PKDCC: variants seen among roughly 807,000 people sequenced by gnomAD.
PKDCC encodes the protein extracellular tyrosine-protein kinase PKDCC.
In PKDCC, 35 loss-of-function variants were observed where a neutral mutation model predicts 44.7. The observed-to-expected ratio is 0.78, with a 90% CI of 0.60 to 1.04. PKDCC has a LOEUF of 1.04. Among genes scored for constraint, PKDCC ranks in the 50% least tolerant of loss-of-function variants. The pLI is 0.00. For missense variants in PKDCC, 738 were observed against 672.7 expected, an observed-to-expected ratio of 1.10 and a Z score of -1.07; for synonymous variants, 353 against 303.3, an observed-to-expected ratio of 1.16 and a Z score of -1.70.
chr2:42,048,325 G>T lies in PKDCC; in HGVS notation c.126G>T (p.Ser42=). 1 of 1,188,556 alleles carries T rather than the reference G, an allele frequency of 8.4e-7. No individual in the cohort carries two copies. Among genetic ancestry groups the T allele is most frequent in the Non-Finnish European group, 1.0e-6 (1 of 959,312 alleles). 73.6% of individuals were successfully genotyped at this position (1,188,556 alleles called of 1,614,324 possible). ...GGCCAGGCCAGTCCCCTGAGCCTTC[G>T]CCGGCCCCGGGTCCGGGCCGTCGCG... is the stretch of plus-strand genomic sequence containing the variant. ...PPRPGQSPEP[S]PAPGPGRRGG... is the part of the protein sequence containing the mutation. Residue 42 remains serine, a synonymous_variant, in exon 1 of 7, where the codon TCG becomes TCT. Coordinates refer to ENST00000294964, the MANE Select transcript of PKDCC (RefSeq NM_138370.3). The surrounding 1 kb of genome is among the most constrained non-coding windows in gnomAD (Gnocchi z 6.2).
rs1370232822 is a variant in PKDCC at position 42,048,152 on chromosome 2, C to G, written c.-48C>G. Reference sequence around the variant, plus strand: ...CCTCGGAGCCTGAGCCGCCCGGGGCCGGGGCCGGGGAGCCGCGCGGGGCCG... The same window carrying G: ...CCTCGGAGCCTGAGCCGCCCGGGGCGGGGGCCGGGGAGCCGCGCGGGGCCG... On this transcript the variant is annotated 5_prime_UTR_variant, in exon 1 of 7. Transcript: ENST00000294964. This position sits in a 1 kb window ranked among gnomAD's most constrained non-coding sequence, Gnocchi z 6.2. The G allele has an allele frequency of 3.4e-6, 3 of 889,004 alleles. No homozygotes were observed. The South Asian group carries it at 1.6e-4, about 48-fold the overall frequency. The allele number at this position is 889,004 out of a possible 1,614,324, so 55.1% of individuals were successfully genotyped here.
intron 5 of PKDCC, among the ~76,000 whole-genome samples, chr2:42,056,909 C>T (rs1419718428): frequency 2.0e-5 from 3 of 152,218 alleles, no homozygotes; most frequent in Non-Finnish European, 4.4e-5. Context: ...ACAGCTGGGA[C>T]TCCATGTGTC....
At position 42,052,241 on chromosome 2, in the gene PKDCC, C is replaced by T. The variant is rs1010061337; in HGVS notation, c.640-998C>T. Among the ~76,000 whole-genome samples, 1 of 152,182 alleles carries T rather than the reference C, an allele frequency of 6.6e-6. No homozygotes were observed. The highest frequency in any genetic ancestry group is 1.5e-5 in the Non-Finnish European group (1 of 68,030). On this transcript the variant is annotated intron_variant, in intron 1 of 6. Transcript: ENST00000294964. This position sits in a 1 kb window ranked among gnomAD's most constrained non-coding sequence, Gnocchi z 4.3. ...TGATACACATCACTCATATGCAAAACACACCTGGGGATGTGCCCTCAGGTA... is the reference window on the plus strand; with the variant it reads ...TGATACACATCACTCATATGCAAAATACACCTGGGGATGTGCCCTCAGGTA...
At chr2:42,049,854 T>G (rs1572759616) in intron 1 of PKDCC, among the ~76,000 whole-genome samples, 1 of 152,214 alleles carries the variant, frequency 6.6e-6, no homozygotes, top group East Asian at 1.9e-4. Context: ...TGACCGCTGT[T>G]GGCCCGGTGA....
rs564587182 is a variant in PKDCC at position 42,052,728 on chromosome 2, C to T, written c.640-511C>T. 4.0e-5 allele frequency among the ~76,000 whole-genome samples: 6 copies of T among 148,440 alleles called. No individual in the cohort carries two copies. Among genetic ancestry groups the T allele is most frequent in the East Asian group, 3.9e-4 (2 of 5,100 alleles). On this transcript the variant is annotated intron_variant, in intron 1 of 6. Transcript: ENST00000294964. The surrounding 1 kb of genome is among the most constrained non-coding windows in gnomAD (Gnocchi z 4.3). ...CTGCACTCCAGCCTGGGCAACAGAGCGAGGCTGTCTCAAAAAAAAAAAAAG... is the reference window on the plus strand; with the variant it reads ...CTGCACTCCAGCCTGGGCAACAGAGTGAGGCTGTCTCAAAAAAAAAAAAAG...
chr2:42,051,486 G>T lies in PKDCC; in HGVS notation c.640-1753G>T, dbSNP rs929084302. Reference sequence around the variant, plus strand: ...AAATGCTCAGCCTCACGCTTCCTGGGGGGGGTTAATGGTGTCTTTTTATTT... The same window carrying T: ...AAATGCTCAGCCTCACGCTTCCTGGTGGGGGTTAATGGTGTCTTTTTATTT... On this transcript the variant is annotated intron_variant, in intron 1 of 6. Transcript: ENST00000294964. This position sits in a 1 kb window ranked among gnomAD's most constrained non-coding sequence, Gnocchi z 4.2. 2.1e-4 allele frequency among the ~76,000 whole-genome samples: 32 copies of T among 152,218 alleles called. No individual in the cohort carries two copies. Among genetic ancestry groups the T allele is most frequent in the African/African-American group, 7.0e-4 (29 of 41,540 alleles).
In PKDCC at chr2:42,057,777, G is replaced by A; in HGVS notation, c.*89G>A. The A allele has an allele frequency of 8.8e-7, 1 of 1,132,610 alleles. No homozygotes were observed. Among genetic ancestry groups the A allele is most frequent in the Admixed American group, 2.0e-5 (1 of 50,230 alleles). The allele number at this position is 1,132,610 out of a possible 1,614,324, so 70.2% of individuals were successfully genotyped here. A position where few individuals can be genotyped will look rare whatever the true frequency, so the allele number is the denominator to read the frequency against. On this transcript the variant is annotated 3_prime_UTR_variant, in exon 7 of 7. Transcript: ENST00000294964. ...GTGACTTGCACTGGCAGCACTGCAT[G>A]TCACCTGGGAACCCCTGCAGACAAA...
In PKDCC at chr2:42,055,272, A is replaced by T; in HGVS notation, c.1115-14A>T. 1.9e-6 allele frequency: 3 copies of T among 1,608,964 alleles called. No individual in the cohort carries two copies. Among genetic ancestry groups the T allele is most frequent in the Non-Finnish European group, 2.5e-6 (3 of 1,177,962 alleles). ...GCCCCAGGCATCCTGTCTTAGCCAC[A>T]CTGCACTCTGCAGGAGAGCTCGCCT... is the stretch of plus-strand genomic sequence containing the variant. On this transcript the variant is annotated splice_polypyrimidine_tract_variant and intron_variant, in intron 4 of 6. Coordinates refer to ENST00000294964, the MANE Select transcript of PKDCC (RefSeq NM_138370.3). This position sits in a 1 kb window ranked among gnomAD's most constrained non-coding sequence, Gnocchi z 4.5.
rs1331873861 is a variant in PKDCC, at chr2:42,051,489, G to C, written c.640-1750G>C. On this transcript the variant is annotated intron_variant, in intron 1 of 6. Coordinates refer to ENST00000294964, the MANE Select transcript of PKDCC (RefSeq NM_138370.3). This position sits in a 1 kb window ranked among gnomAD's most constrained non-coding sequence, Gnocchi z 4.2. ...TGCTCAGCCTCACGCTTCCTGGGGG[G>C]GGTTAATGGTGTCTTTTTATTTTTT... Among the ~76,000 whole-genome samples, 2 of 152,084 alleles carry C rather than the reference G, an allele frequency of 1.3e-5. No homozygotes were observed. The highest frequency in any genetic ancestry group is 2.9e-5 in the Non-Finnish European group (2 of 68,004).
rs552045486 is a variant in PKDCC, at chr2:42,051,399, G to C, written c.640-1840G>C. On this transcript the variant is annotated intron_variant, in intron 1 of 6. Coordinates refer to ENST00000294964, the MANE Select transcript of PKDCC (RefSeq NM_138370.3). The surrounding 1 kb of genome is among the most constrained non-coding windows in gnomAD (Gnocchi z 4.2). ...TTGGATGGGCCCCCAGGCCTGCCTG[G>C]GCCCAGATTCTGGCCCTGCTAGAGT... Among the ~76,000 whole-genome samples, 26 of 150,850 alleles carry C rather than the reference G, an allele frequency of 1.7e-4. No individual in the cohort carries two copies. The highest frequency in any genetic ancestry group is 6.1e-4 in the African/African-American group (25 of 40,982).
chr2:42,053,756 A>G (rs1327470324), intron 2 of PKDCC, among the ~76,000 whole-genome samples: 2 of 152,108 alleles, frequency 1.3e-5, no homozygotes, highest in African/African-American at 2.4e-5. Flanking sequence ...TCAGGATGCA[A>G]CTTCAGGGAA....
In PKDCC at chr2:42,057,387, C is replaced by G. The variant is rs886171351; in HGVS notation, c.1389C>G (p.Thr463=). ...CCTTTGTGGTCACCAACCAGACCAC[C>G]TGGACAGGTGAGCCAGTGGGAGAAG... is the stretch of plus-strand genomic sequence containing the variant. The part of the protein sequence containing the change: ...CRAFVVTNQT[T]WTGRQLVFFK... The change falls in exon 6 of 7, where the codon ACC becomes ACG. Residue 463 remains threonine, a synonymous_variant. Transcript: ENST00000294964. 7 of 1,614,032 alleles carry G rather than the reference C, an allele frequency of 4.3e-6. No individual in the cohort carries two copies. The African/African-American group carries it at 8.0e-5, about 18-fold the overall frequency.
rs1471580422 is a variant in PKDCC at position 42,055,239 on chromosome 2, G to T, written c.1115-47G>T. 1 of 1,544,094 alleles carries T rather than the reference G, an allele frequency of 6.5e-7. No homozygotes were observed. The highest frequency in any genetic ancestry group is 1.2e-5 in the South Asian group (1 of 85,984). ...GCAGCTGGCTGCTGACTTCAGGGAG[G>T]AGTGGGAGCCCCAGGCATCCTGTCT... On this transcript the variant is annotated intron_variant, in intron 4 of 6. Coordinates refer to ENST00000294964, the MANE Select transcript of PKDCC (RefSeq NM_138370.3). This position sits in a 1 kb window ranked among gnomAD's most constrained non-coding sequence, Gnocchi z 4.5.
rs1422807420 is a variant in PKDCC, at chr2:42,051,477, G to A, written c.640-1762G>A. Among the ~76,000 whole-genome samples the A allele has an allele frequency of 1.8e-5, 2 of 110,048 alleles. No individual in the cohort carries two copies. The highest frequency in any genetic ancestry group is 2.6e-4 in the South Asian group (1 of 3,798). The allele number at this position is 110,048 out of a possible 152,430, so 72.2% of individuals were successfully genotyped here. A position where few individuals can be genotyped will look rare whatever the true frequency, so the allele number is the denominator to read the frequency against. Reference sequence around the variant, plus strand: ...ATGTGACTGAAATGCTCAGCCTCACGCTTCCTGGGGGGGGTTAATGGTGTC... The same window carrying A: ...ATGTGACTGAAATGCTCAGCCTCACACTTCCTGGGGGGGGTTAATGGTGTC... On this transcript the variant is annotated intron_variant, in intron 1 of 6. Transcript: ENST00000294964. This position sits in a 1 kb window ranked among gnomAD's most constrained non-coding sequence, Gnocchi z 4.2.
At chr2:42,053,445 ACTC>A (rs1338890924) in intron 2 of PKDCC, 84 bp downstream of exon 2, 30 of 1,489,082 alleles carry the variant, frequency 2.0e-5, no homozygotes, top group Non-Finnish European at 2.6e-5. Flanking sequence ...AGCAGCTCCC[ACTC>A]CTCCTCCACC....
In PKDCC at chr2:42,057,167, G is replaced by T. The variant is rs551906303; in HGVS notation, c.1223-54G>T. On this transcript the variant is annotated intron_variant, in intron 5 of 6. Transcript: ENST00000294964. ...TTTCCAGAAAGTGACACATCCTTGG[G>T]CACTCAAACCTGGGCATACAGAATT... is the stretch of plus-strand genomic sequence containing the variant. The T allele has an allele frequency of 2.1e-5, 34 of 1,582,484 alleles. No individual in the cohort carries two copies. The African/African-American group carries it at 4.4e-4, about 21-fold the overall frequency.
chr2:42,055,300 G>C lies in PKDCC; in HGVS notation c.1129G>C (p.Gly377Arg), dbSNP rs139834357. Residue 377 changes from glycine (G) to arginine (R), a missense_variant, in exon 5 of 7, where the codon GGG becomes CGG. Gly to Arg is a moderately radical substitution (Grantham distance 125). Coordinates refer to ENST00000294964, the MANE Select transcript of PKDCC (RefSeq NM_138370.3). This position sits in a 1 kb window ranked among gnomAD's most constrained non-coding sequence, Gnocchi z 4.5. Reference protein sequence around the residue: ...IVNATGELAWGVDETLAQLEK... With the variant: ...IVNATGELAWRVDETLAQLEK... The stretch of plus-strand genomic sequence containing the variant: ...GCACTCTGCAGGAGAGCTCGCCTGG[G>C]GGGTGGACGAGACCCTGGCCCAGCT... The C allele has an allele frequency of 2.0e-5, 33 of 1,613,092 alleles. No homozygotes were observed. Among genetic ancestry groups the C allele is most frequent in the East Asian group, 6.7e-5 (3 of 44,890 alleles).
chr2:42,050,701 G>A (rs756839138), intron 1 of PKDCC, among the ~76,000 whole-genome samples: 2 of 152,156 alleles, frequency 1.3e-5, no homozygotes, highest in African/African-American at 4.8e-5. Flanking sequence ...AGTCCCAGAC[G>A]AGAGTTAGTG....
At chr2:42,050,655 G>A (rs1398846625) in intron 1 of PKDCC, among the ~76,000 whole-genome samples, 1 of 152,190 alleles carries the variant, frequency 6.6e-6, no homozygotes, top group African/African-American at 2.4e-5. Context: ...CAAGACCAGG[G>A]TTGTCTGGGG....
Sources: allele counts gnomAD v4.1 joint callset (sites outside exome capture counted in the v4.1 genomes callset), GRCh38; gene constraint gnomAD v4.1.1; non-coding constraint Gnocchi (gnomAD v3.1); transcripts MANE v1.5; gene names NCBI Gene and HGNC (gene_info 2026-07-23, HGNC 2026-07-21).